Variants in CBL observed in about 807,000 individuals in gnomAD.
CBL encodes the protein Cbl proto-oncogene.
CBL carries 45 observed loss-of-function variants against 96.9 expected under a neutral mutation model. That is an observed-to-expected ratio of 0.46 (90% CI 0.37 to 0.60). CBL has a LOEUF of 0.60. Ranked by LOEUF, CBL falls within the 20% of genes least tolerant of loss-of-function variation. CBL has a pLI of 0.00. For missense variants in CBL, 1,024 were observed against 1,143.5 expected, an observed-to-expected ratio of 0.90 and a Z score of 1.51; for synonymous variants, 420 against 426.8, an observed-to-expected ratio of 0.98 and a Z score of 0.20.
At position 119,307,878 on chromosome 11, in the gene CBL, T is replaced by G. The variant is rs1950161034; in HGVS notation, c.*8097T>G. On this transcript the variant is annotated 3_prime_UTR_variant, in exon 16 of 16. Coordinates refer to ENST00000264033, the MANE Select transcript of CBL (RefSeq NM_005188.4). ...AAAATGTGTCATTAATATAAAAAAT[T>G]TATATTAGCAGTATTTAATCATTCT... 9.9e-6 allele frequency: 2 copies of G among 201,754 alleles called. No individual in the cohort carries two copies. Among genetic ancestry groups the G allele is most frequent in the Admixed American group, 1.2e-4 (2 of 16,682 alleles). 12.5% of individuals were successfully genotyped at this position (201,754 alleles called of 1,614,324 possible).
chr11:119,230,781 T>C (rs141181610), intron 1 of CBL, among the ~76,000 whole-genome samples: 15 of 152,378 alleles, frequency 9.8e-5, no homozygotes, highest in Admixed American at 2.0e-4. Flanking sequence ...TTCTGGACTT[T>C]CTGTTCCACT....
intron 1 of CBL, among the ~76,000 whole-genome samples, chr11:119,218,576 G>T (rs778340784): frequency 6.6e-6 from 1 of 152,048 alleles, no homozygotes; most frequent in African/African-American, 2.4e-5. Flanking sequence ...GCAATCTTAC[G>T]CTGCTTCTGT....
chr11:119,215,954 GC>G (rs1366270651), intron 1 of CBL, among the ~76,000 whole-genome samples: 42 of 152,388 alleles, frequency 2.8e-4, no homozygotes, highest in African/African-American at 9.9e-4. Context: ...GCCAGCGTCA[GC>G]TTTGTCCCCA....
chr11:119,266,015 T>G (rs1592394382), intron 2 of CBL, among the ~76,000 whole-genome samples: 1 of 26,418 alleles, frequency 3.8e-5, no homozygotes, highest in Non-Finnish European at 6.6e-5. Flanking sequence ...CGAGACTCCA[T>G]CTCAAAAAAA....
rs914499493 is a variant in CBL, at chr11:119,302,103, G to T, written c.*2322G>T. 4 of 232,842 alleles carry T rather than the reference G, an allele frequency of 1.7e-5. No homozygotes were observed. Among genetic ancestry groups the T allele is most frequent in the African/African-American group, 6.6e-5 (3 of 45,308 alleles). The allele number at this position is 232,842 out of a possible 1,614,324, so 14.4% of individuals were successfully genotyped here. On this transcript the variant is annotated 3_prime_UTR_variant, in exon 16 of 16. Transcript: ENST00000264033. Reference sequence around the variant, plus strand: ...CTCGACTTTTCCTTTTTTGAGTCCTGTGTGGCTCTTTGAATCAGCGTGAAA... The same window carrying T: ...CTCGACTTTTCCTTTTTTGAGTCCTTTGTGGCTCTTTGAATCAGCGTGAAA...
chr11:119,260,924 G>T (rs993972030), intron 2 of CBL, among the ~76,000 whole-genome samples: 1 of 128,682 alleles, frequency 7.8e-6, no homozygotes, highest in Non-Finnish European at 1.6e-5. Context: ...TTTCACTTTG[G>T]CAGTTAAATC....
intron 12 of CBL, among the ~76,000 whole-genome samples, chr11:119,291,665 G>A (rs1950027520): frequency 6.6e-6 from 1 of 152,172 alleles, no homozygotes; most frequent in Non-Finnish European, 1.5e-5. Flanking sequence ...CCATGATTGT[G>A]CCACTGCACT....
At position 119,307,761 on chromosome 11, in the gene CBL, G is replaced by A. The variant is rs1950158422; in HGVS notation, c.*7980G>A. The stretch of plus-strand genomic sequence containing the variant: ...CTGGGAGTGCTGGAGAGAACCTGAT[G>A]CTTTCTCCAGAATGAAGAGTCCCAA... On this transcript the variant is annotated 3_prime_UTR_variant, in exon 16 of 16. Transcript: ENST00000264033. The A allele has an allele frequency of 4.6e-6, 1 of 219,184 alleles. No individual in the cohort carries two copies. The highest frequency in any genetic ancestry group is 9.2e-6 in the Non-Finnish European group (1 of 109,222). 13.6% of individuals were successfully genotyped at this position (219,184 alleles called of 1,614,324 possible).
intron 2 of CBL, among the ~76,000 whole-genome samples, chr11:119,263,159 A>G (rs926586949): frequency 3.3e-5 from 5 of 152,236 alleles, no homozygotes; most frequent in African/African-American, 9.6e-5. Flanking sequence ...ATGCAGTACC[A>G]ATACCACAGG....
chr11:119,258,350 G>A (rs1269237872), intron 2 of CBL, among the ~76,000 whole-genome samples: 1 of 152,266 alleles, frequency 6.6e-6, no homozygotes, highest in Non-Finnish European at 1.5e-5. Context: ...TTCTGGGGAC[G>A]CCTCAGGAAA....
chr11:119,227,010 A>G (rs891875676), intron 1 of CBL, among the ~76,000 whole-genome samples: 4 of 152,154 alleles, frequency 2.6e-5, no homozygotes, highest in African/African-American at 9.7e-5. Flanking sequence ...CTTTAAGACC[A>G]TTGAAGTACA....
At chr11:119,286,947 T>C (rs927035097) in intron 11 of CBL, among the ~76,000 whole-genome samples, 1 of 152,142 alleles carries the variant, frequency 6.6e-6, no homozygotes, top group Non-Finnish European at 1.5e-5. Context: ...TAGAGAAAGC[T>C]GGCATAGGAG....
intron 13 of CBL, 29 bp from the exon 14 acceptor site, chr11:119,297,355 A>G (rs1202554727): frequency 2.0e-6 from 3 of 1,517,868 alleles, no homozygotes; most frequent in Non-Finnish European, 2.7e-6. Flanking sequence ...ATTTCCAAAG[A>G]TCATTATGGC....
At chr11:119,270,325 A>G (rs1592396459) in intron 2 of CBL, among the ~76,000 whole-genome samples, 1 of 140,628 alleles carries the variant, frequency 7.1e-6, no homozygotes, top group African/African-American at 2.7e-5. Flanking sequence ...GCTCACTGCA[A>G]CCTCTGCCTC....
At chr11:119,244,581 A>ATTTTTTT (rs532837579) in intron 2 of CBL, among the ~76,000 whole-genome samples, 15 of 104,386 alleles carry the variant, frequency 1.4e-4, no homozygotes, top group East Asian at 6.7e-4. Flanking sequence ...TGCCCGGCTA[A>ATTTTTTT]TTTTTTTTTT....
rs184334420 is a variant in CBL at position 119,278,428 on chromosome 11, C to T, written c.1228-82C>T. The T allele has an allele frequency of 8.4e-5, 128 of 1,531,142 alleles. No homozygotes were observed. In the African/African-American group the frequency reaches 1.6e-3, roughly 19 times the overall value. 94.8% of individuals were successfully genotyped at this position (1,531,142 alleles called of 1,614,324 possible). A position where few individuals can be genotyped will look rare whatever the true frequency, so the allele number is the denominator to read the frequency against. ...GTTTAAACTTTTACTTTTTTTTGATCTCTAGGAAATGTATTTTCTAGTAGA... is the reference window on the plus strand; with the variant it reads ...GTTTAAACTTTTACTTTTTTTTGATTTCTAGGAAATGTATTTTCTAGTAGA... On this transcript the variant is annotated intron_variant, in intron 8 of 15. Coordinates refer to ENST00000264033, the MANE Select transcript of CBL (RefSeq NM_005188.4).
chr11:119,273,849 C>G lies in CBL; in HGVS notation c.591-19C>G. ...TCTCTGTTATTTCACTTTATGCCTC[C>G]TCTCCACCCCCTCCCCAGGACAATA... On this transcript the variant is annotated intron_variant, in intron 3 of 15. Coordinates refer to ENST00000264033, the MANE Select transcript of CBL (RefSeq NM_005188.4). 6.2e-7 allele frequency: 1 copy of G among 1,611,616 alleles called. No individual in the cohort carries two copies. The highest frequency in any genetic ancestry group is 8.5e-7 in the Non-Finnish European group (1 of 1,177,868).
intron 2 of CBL, among the ~76,000 whole-genome samples, chr11:119,259,383 T>TAAAAACA (rs1395880447): frequency 1.3e-5 from 2 of 152,180 alleles, no homozygotes; most frequent in Non-Finnish European, 2.9e-5. Context: ...CATGTATTGT[T>TAAAAACA]TATTCTTATG....
chr11:119,237,787 C>T (rs1949556490), intron 2 of CBL, among the ~76,000 whole-genome samples: 1 of 152,176 alleles, frequency 6.6e-6, no homozygotes, highest in Non-Finnish European at 1.5e-5. Flanking sequence ...ATTACTGTAG[C>T]TTTGTACTAA....
Sources: gnomAD v4.1 joint callset for allele counts (sites outside exome capture counted in the v4.1 genomes callset) on GRCh38, gnomAD v4.1.1 for gene constraint, MANE v1.5 for transcripts, NCBI Gene and HGNC (gene_info 2026-07-23, HGNC 2026-07-21) for gene names.